Variants in NCAM2 observed in about 807,000 individuals in gnomAD.
The protein encoded by NCAM2 is neural cell adhesion molecule 2, also known as N-CAM-2.
A neutral mutation model predicts 98.1 loss-of-function variants in NCAM2; 30 were observed. That is an observed-to-expected ratio of 0.31 (90% CI 0.23 to 0.41). The LOEUF (loss-of-function observed/expected upper bound fraction) is 0.41, where lower values mean the gene tolerates loss of function less well. NCAM2 is among the 10% of genes least tolerant of loss of function. The pLI is 1.00. For synonymous variants in NCAM2, 368 were observed against 342.4 expected, an observed-to-expected ratio of 1.07 and a Z score of -0.83; for missense variants, 867 against 1,005.8, an observed-to-expected ratio of 0.86 and a Z score of 1.87.
chr21:21,272,504 GCGCGCA>G (rs1280816025), intron 1 of NCAM2, among the ~76,000 whole-genome samples: 5 of 56,442 alleles, frequency 8.9e-5, no homozygotes, highest in African/African-American at 2.3e-4. Flanking sequence ...ACATGCGCGC[GCGCGCA>G]CACACACACA....
At chr21:21,491,778 A>G (rs946082365) in intron 15 of NCAM2, among the ~76,000 whole-genome samples, 2 of 151,474 alleles carry the variant, frequency 1.3e-5, no homozygotes, top group Non-Finnish European at 3.0e-5. Flanking sequence ...ACATTATTAT[A>G]CACCTTTTGA....
intron 1 of NCAM2, among the ~76,000 whole-genome samples, chr21:21,136,868 A>G (rs192461606): frequency 4.0e-5 from 6 of 151,104 alleles, no homozygotes; most frequent in African/African-American, 1.2e-4. Flanking sequence ...CTGTTCCTCA[A>G]AAGAAATTTT....
intron 1 of NCAM2, among the ~76,000 whole-genome samples, chr21:21,169,526 T>G (rs1232136340): frequency 6.6e-6 from 1 of 152,146 alleles, no homozygotes; most frequent in African/African-American, 2.4e-5. Context: ...GAAAAAAATA[T>G]TTGCACAAGA....
intron 1 of NCAM2, among the ~76,000 whole-genome samples, chr21:21,157,497 A>G (rs2067650882): frequency 1.3e-5 from 2 of 152,214 alleles, no homozygotes; most frequent in African/African-American, 4.8e-5. Context: ...GTTATGATCA[A>G]AAAGCAATTA....
chr21:21,158,818 A>G (rs1033350085), intron 1 of NCAM2, among the ~76,000 whole-genome samples: 9 of 152,156 alleles, frequency 5.9e-5, no homozygotes, highest in Non-Finnish European at 1.3e-4. Context: ...ATAAATGACT[A>G]TATCTGGCTT....
chr21:21,272,104 T>C (rs944862026), intron 1 of NCAM2, among the ~76,000 whole-genome samples: 1 of 152,178 alleles, frequency 6.6e-6, no homozygotes, highest in South Asian at 2.1e-4. Context: ...TTAAAAAGCT[T>C]AAATGATAAA....
chr21:21,034,060 G>C (rs1201476361), intron 1 of NCAM2, among the ~76,000 whole-genome samples: 2 of 149,546 alleles, frequency 1.3e-5, no homozygotes, highest in Non-Finnish European at 3.0e-5. Context: ...AAAGGGGGGG[G>C]GGAAACAAAG....
rs1413872260 is a variant in NCAM2 at position 21,538,305 on chromosome 21, G to A, written c.*348G>A. On this transcript the variant is annotated 3_prime_UTR_variant, in exon 18 of 18. Transcript: ENST00000400546. ...TATTTAATACCACCAACAAATATAG[G>A]GGTTAAGGAAAAAAAACGTGAGCTA... The A allele has an allele frequency of 7.5e-6, 1 of 132,558 alleles. No individual in the cohort carries two copies. Among genetic ancestry groups the A allele is most frequent in the Non-Finnish European group, 1.7e-5 (1 of 57,322 alleles). 8.2% of individuals were successfully genotyped at this position (132,558 alleles called of 1,614,324 possible).
At chr21:21,518,977 G>A (rs1490411524) in intron 16 of NCAM2, among the ~76,000 whole-genome samples, 1 of 152,072 alleles carries the variant, frequency 6.6e-6, no homozygotes, top group African/African-American at 2.4e-5. Flanking sequence ...AAGCTTAAGG[G>A]TGGGTAATAA....
At chr21:21,497,305 G>A (rs775325396) in intron 15 of NCAM2, among the ~76,000 whole-genome samples, 2 of 151,966 alleles carry the variant, frequency 1.3e-5, no homozygotes, top group African/African-American at 2.4e-5. Flanking sequence ...ATGCATTTCC[G>A]CATGTAAGAA....
intron 15 of NCAM2, among the ~76,000 whole-genome samples, chr21:21,492,210 G>A (rs1400143223): frequency 2.0e-5 from 3 of 151,870 alleles, no homozygotes; most frequent in Non-Finnish European, 4.4e-5. Flanking sequence ...TTGATTCTCA[G>A]TTTTCCTCCT....
At chr21:21,433,839 A>G (rs2077407695) in intron 12 of NCAM2, among the ~76,000 whole-genome samples, 1 of 151,942 alleles carries the variant, frequency 6.6e-6, no homozygotes, top group African/African-American at 2.4e-5. Flanking sequence ...TGAAAAACAG[A>G]AGGAAAAAAG....
chr21:21,517,066 G>A (rs1988753588), intron 16 of NCAM2, among the ~76,000 whole-genome samples: 2 of 152,156 alleles, frequency 1.3e-5, no homozygotes, highest in Middle Eastern at 3.2e-3. Flanking sequence ...AATTGAGAAT[G>A]TCTGAAATCT....
chr21:21,321,718 G>A (rs926151448), intron 5 of NCAM2, among the ~76,000 whole-genome samples: 1 of 152,042 alleles, frequency 6.6e-6, no homozygotes, highest in Non-Finnish European at 1.5e-5. Flanking sequence ...GGATATAGGT[G>A]TGCAGCTTTC....
chr21:21,280,211 G>A (rs1196058167), intron 1 of NCAM2, among the ~76,000 whole-genome samples: 1 of 151,814 alleles, frequency 6.6e-6, no homozygotes, highest in Non-Finnish European at 1.5e-5. Flanking sequence ...TGATAATATA[G>A]GATTTATACA....
chr21:21,400,006 A>C (rs1188673440), intron 9 of NCAM2, among the ~76,000 whole-genome samples: 1 of 152,062 alleles, frequency 6.6e-6, no homozygotes, highest in Non-Finnish European at 1.5e-5. Context: ...ATCTCAGAAT[A>C]AGAAAAAAAA....
At chr21:21,245,563 A>G (rs2071234471) in intron 1 of NCAM2, among the ~76,000 whole-genome samples, 1 of 152,220 alleles carries the variant, frequency 6.6e-6, no homozygotes, top group Admixed American at 6.5e-5. Flanking sequence ...ACCCATGAAG[A>G]TAATGTGGGT....
chr21:21,111,628 A>G (rs1448826956), intron 1 of NCAM2, among the ~76,000 whole-genome samples: 1 of 152,218 alleles, frequency 6.6e-6, no homozygotes, highest in Non-Finnish European at 1.5e-5. Flanking sequence ...CAGGAACGAG[A>G]AGAAAGCACA....
chr21:21,311,497 C>T (rs4468900), intron 5 of NCAM2, among the ~76,000 whole-genome samples: 2,713 of 152,022 alleles, frequency 0.018, 88 homozygotes, highest in East Asian at 0.14. Context: ...CCCGCCACCA[C>T]GCCCAGCTAA....
Sources: allele counts gnomAD v4.1 joint callset (sites outside exome capture counted in the v4.1 genomes callset), GRCh38; gene constraint gnomAD v4.1.1; transcripts MANE v1.5; gene names NCBI Gene and HGNC (gene_info 2026-07-23, HGNC 2026-07-21).